GLP2R: variants seen among roughly 807,000 people sequenced by gnomAD.
GLP2R encodes the protein glucagon like peptide 2 receptor, also known as glucagon-like peptide 2 receptor.
GLP2R carries 59 observed loss-of-function variants against 68.2 expected under a neutral mutation model. The ratio of observed to expected loss-of-function variants is 0.87; its 90% CI spans 0.70 to 1.07. The LOEUF (loss-of-function observed/expected upper bound fraction) is 1.07, where lower values mean the gene tolerates loss of function less well. Ranked by LOEUF, GLP2R falls within the 50% of genes least tolerant of loss-of-function variation. The pLI is 0.00. For synonymous variants in GLP2R, 270 were observed against 265.4 expected, an observed-to-expected ratio of 1.02 and a Z score of -0.17; for missense variants, 548 against 677.4, an observed-to-expected ratio of 0.81 and a Z score of 2.12.
intron 3 of GLP2R, among the ~76,000 whole-genome samples, chr17:9,841,331 G>A (rs1217489156): frequency 6.6e-6 from 1 of 151,964 alleles, no homozygotes; most frequent in Non-Finnish European, 1.5e-5. Flanking sequence ...CCTGGCCTGT[G>A]TGGCTGATAT....
chr17:9,846,428 C>A (rs563932554), intron 4 of GLP2R, among the ~76,000 whole-genome samples: 2 of 152,176 alleles, frequency 1.3e-5, no homozygotes, highest in Non-Finnish European at 2.9e-5. Flanking sequence ...TCAGCCTGGG[C>A]AACACGGCGA....
At chr17:9,869,879 T>C (rs1163916858) in intron 9 of GLP2R, among the ~76,000 whole-genome samples, 1 of 152,306 alleles carries the variant, frequency 6.6e-6, no homozygotes, top group East Asian at 1.9e-4. Context: ...ACAAGGGGAA[T>C]AAGGGGGATT....
chr17:9,837,575 G>GT (rs781495020), intron 3 of GLP2R, among the ~76,000 whole-genome samples: 5 of 152,192 alleles, frequency 3.3e-5, no homozygotes, highest in African/African-American at 7.2e-5. Flanking sequence ...ATAGGTTAGT[G>GT]TTTTTAACTC....
At position 9,891,171 on chromosome 17, in the gene GLP2R, G is replaced by A. The variant is rs79379978; in HGVS notation, c.*1466G>A. 0.19 allele frequency: 29,362 copies of A among 152,116 alleles called. 3,740 individuals carry two copies. The highest frequency in any genetic ancestry group is 0.29 in the Non-Finnish European group (19,706 of 67,970). 9.4% of individuals were successfully genotyped at this position (152,116 alleles called of 1,614,324 possible). On this transcript the variant is annotated 3_prime_UTR_variant, in exon 13 of 13. Coordinates refer to ENST00000262441, the MANE Select transcript of GLP2R (RefSeq NM_004246.3). ...ATTAAATTTGAATTTCAGACAAATA[G>A]TCTTCTTGTATAAGTATATCCCATG...
chr17:9,868,996 T>C (rs2067066635), intron 9 of GLP2R, among the ~76,000 whole-genome samples: 1 of 152,204 alleles, frequency 6.6e-6, no homozygotes. Context: ...TATTTAAACT[T>C]TCTGTTCCTA....
At chr17:9,866,067 C>T (rs1449689221) in intron 9 of GLP2R, 2 of 359,252 alleles carry the variant, frequency 5.6e-6, no homozygotes, top group Non-Finnish European at 1.1e-5. Context: ...TGCATTGGTT[C>T]TAGGGCTCCC....
intron 12 of GLP2R, among the ~76,000 whole-genome samples, chr17:9,888,266 C>G (rs1029577996): frequency 6.6e-6 from 1 of 152,102 alleles, no homozygotes; most frequent in Non-Finnish European, 1.5e-5. Flanking sequence ...ACCTCAGAGT[C>G]CAAAAATCTG....
intron 3 of GLP2R, among the ~76,000 whole-genome samples, chr17:9,838,926 T>A (rs897830828): frequency 2.0e-5 from 3 of 152,186 alleles, no homozygotes; most frequent in Admixed American, 6.5e-5. Context: ...GGCAGGAGAA[T>A]GGCGTGAACC....
At chr17:9,851,411 C>A (rs1456030536) in intron 4 of GLP2R, among the ~76,000 whole-genome samples, 2 of 151,978 alleles carry the variant, frequency 1.3e-5, no homozygotes, top group Non-Finnish European at 2.9e-5. Context: ...ATTTGTGAAA[C>A]AAACCACAAG....
chr17:9,887,232 GA>G (rs111406903), intron 11 of GLP2R, among the ~76,000 whole-genome samples: 3,223 of 138,692 alleles, frequency 0.023, 97 homozygotes, highest in African/African-American at 0.075. Flanking sequence ...GTCAGGCAAA[GA>G]AAAAAAAAAA....
At chr17:9,857,722 C>A in intron 6 of GLP2R, 146 bp downstream of exon 6, 1 of 755,538 alleles carries the variant, frequency 1.3e-6, no homozygotes, top group South Asian at 1.9e-5. Context: ...TAGTACGTGA[C>A]TTAACAAAAC....
chr17:9,853,089 A>G, intron 4 of GLP2R: 1 of 535,538 alleles, frequency 1.9e-6, no homozygotes. Context: ...CGCCAGTGTT[A>G]CTTTAATTGG....
At position 9,874,274 on chromosome 17, in the gene GLP2R, G is replaced by C. The variant is rs374665912; in HGVS notation, c.1145+3439G>C. 1.5e-4 allele frequency among the ~76,000 whole-genome samples: 23 copies of C among 152,206 alleles called. No homozygotes were observed. In the East Asian group the frequency reaches 3.7e-3, roughly 24 times the overall value. The stretch of plus-strand genomic sequence containing the variant: ...CGATGATCCAGGGTGACTGCTTTGT[G>C]GGGAGAAAGAGCAACCCTGCCTGAC... On this transcript the variant is annotated intron_variant, in intron 10 of 12. Transcript: ENST00000262441.
intron 3 of GLP2R, among the ~76,000 whole-genome samples, chr17:9,840,358 C>A (rs962904318): frequency 2.0e-5 from 3 of 152,224 alleles, no homozygotes; most frequent in Non-Finnish European, 4.4e-5. Context: ...ACTCCCCCAG[C>A]CAGAGCTGAG....
intron 5 of GLP2R, 54 bp downstream of exon 5, chr17:9,854,655 A>G: frequency 1.0e-6 from 1 of 964,566 alleles, no homozygotes; most frequent in Non-Finnish European, 1.7e-6. Context: ...GCCCTCCTTC[A>G]TCTACAGGGG....
chr17:9,851,269 A>G (rs546354036), intron 4 of GLP2R, among the ~76,000 whole-genome samples: 4 of 152,156 alleles, frequency 2.6e-5, no homozygotes, highest in South Asian at 4.2e-4. Context: ...GAAATAGTCA[A>G]TTTAAAGAAA....
intron 2 of GLP2R, 82 bp downstream of exon 2, chr17:9,833,976 A>G: frequency 1.2e-6 from 1 of 843,514 alleles, no homozygotes; most frequent in Non-Finnish European, 2.0e-6. Context: ...CTAGTCACTT[A>G]TTACTTCTCA....
intron 3 of GLP2R, among the ~76,000 whole-genome samples, chr17:9,837,109 C>G (rs2066739501): frequency 6.6e-6 from 1 of 152,148 alleles, no homozygotes; most frequent in African/African-American, 2.4e-5. Flanking sequence ...CCCGCCTCCG[C>G]CTCCCAAAGT....
At chr17:9,885,576 A>C (rs1317158090) in intron 11 of GLP2R, among the ~76,000 whole-genome samples, 1 of 151,872 alleles carries the variant, frequency 6.6e-6, no homozygotes, top group Non-Finnish European at 1.5e-5. Context: ...GTTCTCCTCC[A>C]TGTGGCCTCT....
Sources: gnomAD v4.1 joint callset for allele counts (sites outside exome capture counted in the v4.1 genomes callset) on GRCh38, gnomAD v4.1.1 for gene constraint, MANE v1.5 for transcripts, NCBI Gene and HGNC (gene_info 2026-07-23, HGNC 2026-07-21) for gene names.